Variants in ISM2 observed in about 807,000 individuals in gnomAD.
ISM2 encodes isthmin-2.
ISM2 carries 50 observed loss-of-function variants against 58.0 expected under a neutral mutation model. The ratio of observed to expected loss-of-function variants is 0.86; its 90% CI spans 0.69 to 1.09. ISM2 has a LOEUF of 1.09. Ranked by LOEUF, ISM2 falls within the 50% of genes least tolerant of loss-of-function variation. ISM2 has a pLI of 0.00. For missense variants in ISM2, 723 were observed against 745.0 expected (o/e 0.97, Z 0.34); for synonymous variants, 303 against 312.4 (o/e 0.97, Z 0.32).
intron 1 of ISM2, chr14:77,498,443 C>T: frequency 8.4e-7 from 1 of 1,183,976 alleles, no homozygotes; most frequent in Non-Finnish European, 1.2e-6. Context: ...GCCCGGCTCG[C>T]GGTCACGCGC....
chr14:77,487,508 G>A (rs1307468143), intron 1 of ISM2, among the ~76,000 whole-genome samples: 2 of 152,132 alleles, frequency 1.3e-5, no homozygotes, highest in African/African-American at 4.8e-5. Flanking sequence ...CCTCTCCCTG[G>A]TGCCCAGTCA....
chr14:77,478,494 C>G, intron 5 of ISM2, 81 bp downstream of exon 5: 1 of 1,551,150 alleles, frequency 6.4e-7, no homozygotes, highest in African/African-American at 1.4e-5. Flanking sequence ...ATCTCCCAAG[C>G]CCACCCACAT....
chr14:77,475,760 G>A lies in ISM2; in HGVS notation c.1551C>T (p.Phe517=), dbSNP rs1404791244. ...CGAACTTGAAGTGCAGCTTAGGTGAGAAGTCGGTGCTGATGAGGTTGGGCA... is the reference window on the plus strand; with the variant it reads ...CGAACTTGAAGTGCAGCTTAGGTGAAAAGTCGGTGCTGATGAGGTTGGGCA... ...AGMPNLISTD[F]SPKLHFKFDT... Residue 517 remains phenylalanine, a synonymous_variant, in exon 7 of 7, where the codon TTC becomes TTT. Transcript: ENST00000342219. The surrounding 1 kb of genome is among the most constrained non-coding windows in gnomAD (Gnocchi z 4.1). 2 of 1,613,738 alleles carry A rather than the reference G, an allele frequency of 1.2e-6. No individual in the cohort carries two copies. The highest frequency in any genetic ancestry group is 1.7e-6 in the Non-Finnish European group (2 of 1,179,950).
Position 77,482,309 on chromosome 14 carries a change from T to G in ISM2, c.973+13A>C. On this transcript the variant is annotated intron_variant, in intron 4 of 6. Coordinates refer to ENST00000342219, the MANE Select transcript of ISM2 (RefSeq NM_199296.3). ...GGGGAGCAGCCTGGGGATGCCAAGA[T>G]GGGGGTGCTCACCGTAGCTGACAGA... 1 of 1,599,586 alleles carries G rather than the reference T, an allele frequency of 6.3e-7. No individual in the cohort carries two copies.
rs1447857311 is a variant in ISM2 at position 77,478,294 on chromosome 14, G to A, written c.1146C>T (p.Pro382=). The change falls in exon 6 of 7, where the codon CCC becomes CCT. Residue 382 remains proline (P), a synonymous_variant. Transcript: ENST00000342219. ...GGGCCAGGAGCTTCCACTCCTCACT[G>A]GGGAGGCCCAAGGTGTCCTTGTCCT... ...GTEDKDTLGL[P]SEEWKLLARN... 2 of 1,614,104 alleles carry A rather than the reference G, an allele frequency of 1.2e-6. No individual in the cohort carries two copies. The highest frequency in any genetic ancestry group is 1.7e-6 in the Non-Finnish European group (2 of 1,179,948).
rs1430983167 is a variant in ISM2, at chr14:77,498,801, G to C, written c.-8C>G. On this transcript the variant is annotated 5_prime_UTR_variant, in exon 1 of 7. Transcript: ENST00000342219. The stretch of plus-strand genomic sequence containing the variant: ...GTCGCGGAGCGCACGCATCGTCTCG[G>C]TTCCGAGGCTGCTCTGCCTGCACCT... The C allele has an allele frequency of 2.1e-6, 3 of 1,421,546 alleles. No individual in the cohort carries two copies. Among genetic ancestry groups the C allele is most frequent in the Non-Finnish European group, 1.8e-6 (2 of 1,097,496 alleles). 88.1% of individuals were successfully genotyped at this position (1,421,546 alleles called of 1,614,324 possible).
intron 3 of ISM2, among the ~76,000 whole-genome samples, chr14:77,483,461 T>C (rs1332674907): frequency 6.6e-6 from 1 of 151,482 alleles, no homozygotes; most frequent in East Asian, 1.9e-4. Flanking sequence ...GGCAGGAAAA[T>C]TTATTGAACC....
At chr14:77,489,746 G>A (rs982519986) in intron 1 of ISM2, among the ~76,000 whole-genome samples, 1 of 152,188 alleles carries the variant, frequency 6.6e-6, no homozygotes, top group African/African-American at 2.4e-5. Flanking sequence ...CAAGCATAGT[G>A]CTCCCCGCAC....
In ISM2 at chr14:77,497,737, A is replaced by G. The variant is rs867501962; in HGVS notation, c.141+916T>C. Among the ~76,000 whole-genome samples, 73 of 46,314 alleles carry G rather than the reference A, an allele frequency of 1.6e-3. 2 individuals carry two copies. Among genetic ancestry groups the G allele is most frequent in the Non-Finnish European group, 2.2e-3 (48 of 21,442 alleles). The allele number at this position is 46,314 out of a possible 152,430, so 30.4% of individuals were successfully genotyped here. ...AGGGAGAAAGAAAAAGTAGGAAGGA[A>G]GGAGGGAGGGAGGGAGGGAGGGAGG... On this transcript the variant is annotated intron_variant, in intron 1 of 6. Coordinates refer to ENST00000342219, the MANE Select transcript of ISM2 (RefSeq NM_199296.3).
intron 4 of ISM2, among the ~76,000 whole-genome samples, chr14:77,479,022 T>C (rs1288893372): frequency 5.9e-5 from 9 of 152,194 alleles, no homozygotes; most frequent in African/African-American, 2.2e-4. Context: ...CTGACCACTA[T>C]TGGTATGACC....
chr14:77,478,301 C>A lies in ISM2; in HGVS notation c.1139G>T (p.Gly380Val), dbSNP rs372029889. 1.5e-5 allele frequency: 24 copies of A among 1,614,132 alleles called. No individual in the cohort carries two copies. Among genetic ancestry groups the A allele is most frequent in the African/African-American group, 1.5e-4 (11 of 75,054 alleles). ...CPGTEDKDTL[G>V]LPSEEWKLLA... ...GAGCTTCCACTCCTCACTGGGGAGG[C>A]CCAAGGTGTCCTTGTCCTCAGTGCC... The change falls in exon 6 of 7, where the codon GGC becomes GTC. Residue 380 changes from glycine to valine, a missense_variant. Coordinates refer to ENST00000342219, the MANE Select transcript of ISM2 (RefSeq NM_199296.3).
chr14:77,485,235 G>T (rs946283341), intron 1 of ISM2, among the ~76,000 whole-genome samples: 4 of 152,226 alleles, frequency 2.6e-5, no homozygotes, highest in African/African-American at 9.6e-5. Flanking sequence ...AGCCCAAGAA[G>T]GGGAGAGAGT....
At chr14:77,481,980 G>A (rs1001287226) in intron 4 of ISM2, among the ~76,000 whole-genome samples, 4 of 151,762 alleles carry the variant, frequency 2.6e-5, no homozygotes, top group African/African-American at 9.7e-5. Flanking sequence ...TGCACCTGTG[G>A]TTCCAGCTAT....
In ISM2 at chr14:77,476,006, C is replaced by T. The variant is rs1478407303; in HGVS notation, c.1305G>A (p.Leu435=). The T allele has an allele frequency of 3.8e-6, 6 of 1,586,002 alleles. No individual in the cohort carries two copies. The highest frequency in any genetic ancestry group is 5.1e-6 in the Non-Finnish European group (6 of 1,170,056). The change falls in exon 7 of 7, where the codon CTG becomes CTA. Residue 435 remains leucine, a synonymous_variant. Transcript: ENST00000342219. The part of the protein sequence containing the change: ...DLPSCPCAYP[L]EAMDSPVSLQ... ...GGCTCACAGGGCTGTCCATGGCCTC[C>T]AGTGGGTAGGCACACGGGCAGCTGG...
In ISM2 at chr14:77,474,885, G is replaced by A. The variant is rs2079086766; in HGVS notation, c.*710C>T. On this transcript the variant is annotated 3_prime_UTR_variant, in exon 7 of 7. Coordinates refer to ENST00000342219, the MANE Select transcript of ISM2 (RefSeq NM_199296.3). Reference sequence around the variant, plus strand: ...CATCCCTACAATCAGCAGAACAGAGGGGGCTGAGCAAAGGAAAGGGACCAG... The same window carrying A: ...CATCCCTACAATCAGCAGAACAGAGAGGGCTGAGCAAAGGAAAGGGACCAG... The A allele has an allele frequency of 6.6e-6, 1 of 152,280 alleles. No homozygotes were observed. The highest frequency in any genetic ancestry group is 2.1e-4 in the South Asian group (1 of 4,828). 9.4% of individuals were successfully genotyped at this position (152,280 alleles called of 1,614,324 possible). A position where few individuals can be genotyped will look rare whatever the true frequency, so the allele number is the denominator to read the frequency against.
At chr14:77,484,962 A>T (rs775020262) in intron 1 of ISM2, 43 bp from the exon 2 acceptor site, 27 of 1,516,158 alleles carry the variant, frequency 1.8e-5, no homozygotes, top group Non-Finnish European at 2.2e-5. Context: ...GTCAGGGCTC[A>T]CCCCACGGGG....
intron 1 of ISM2, among the ~76,000 whole-genome samples, chr14:77,488,738 G>C (rs2079182843): frequency 6.6e-6 from 1 of 152,206 alleles, no homozygotes. Context: ...GGCAGACAGA[G>C]GAGCCATCAG....
intron 1 of ISM2, among the ~76,000 whole-genome samples, chr14:77,490,945 G>C (rs555174806): frequency 6.6e-6 from 1 of 152,348 alleles, no homozygotes; most frequent in Admixed American, 6.5e-5. Flanking sequence ...GCTAGCAGGT[G>C]AGGCCACAGG....
intron 3 of ISM2, 153 bp downstream of exon 3, chr14:77,484,170 A>C: frequency 1.0e-6 from 1 of 976,876 alleles, no homozygotes; most frequent in Non-Finnish European, 1.5e-6. Flanking sequence ...TGCCCCCTAC[A>C]CCACAGGGAG....
Sources: gnomAD v4.1 joint callset for allele counts (sites outside exome capture counted in the v4.1 genomes callset) on GRCh38, gnomAD v4.1.1 for gene constraint, Gnocchi (gnomAD v3.1) non-coding constraint, MANE v1.5 for transcripts, NCBI Gene and HGNC (gene_info 2026-07-23, HGNC 2026-07-21) for gene names.